The following ZUP1 variants were observed in gnomAD, a reference collection of about 807,000 sequenced individuals.
ZUP1 encodes the protein zinc finger-containing ubiquitin peptidase 1.
A neutral mutation model predicts 68.1 loss-of-function variants in ZUP1; 55 were observed. The observed-to-expected ratio is 0.81, with a 90% confidence interval of 0.65 to 1.01. The LOEUF is 1.01. Ranked by LOEUF, ZUP1 falls within the 50% of genes least tolerant of loss-of-function variation. The pLI, the probability that ZUP1 is intolerant of heterozygous loss-of-function variation, is 0.00. For synonymous variants in ZUP1, 223 were observed against 221.5 expected (o/e 1.01, Z -0.06); for missense variants, 684 against 674.9 (o/e 1.01, Z -0.15).
chr6:116,635,945 T>C, intron 9 of ZUP1, 66 bp from the exon 10 acceptor site: 1 of 1,091,836 alleles, frequency 9.2e-7, no homozygotes, highest in Non-Finnish European at 1.3e-6. Flanking sequence ...TGTGTTGTCA[T>C]TCTAATGTAA....
intron 8 of ZUP1, 42 bp from the exon 9 acceptor site, chr6:116,645,976 T>C: frequency 2.9e-6 from 4 of 1,375,508 alleles, no homozygotes; most frequent in South Asian, 2.5e-5. Context: ...CACATCTATT[T>C]ACAGTTATAC....
chr6:116,646,019 ATG>A (rs1776298323), intron 8 of ZUP1, 85 bp from the exon 9 acceptor site: 23 of 936,280 alleles, frequency 2.5e-5, no homozygotes, highest in Admixed American at 8.4e-5. Flanking sequence ...GTGTGATCAT[ATG>A]TGTGTTTAGA....
intron 1 of ZUP1, 119 bp from the exon 2 acceptor site, chr6:116,667,326 T>C (rs550260007): frequency 4.4e-4 from 223 of 503,652 alleles, no homozygotes; most frequent in Admixed American, 1.4e-3. Flanking sequence ...AAGTTTTCAA[T>C]GTACTTACTG....
chr6:116,666,829 T>G lies in ZUP1; in HGVS notation c.364A>C (p.Asn122His). Residue 122 changes from asparagine to histidine, a missense_variant, in exon 2 of 10, where the codon AAC becomes CAC. Transcript: ENST00000368576. ...AGGAATTTTCTAGATTCAGTTAAGT[T>G]CTCTGAATAGAAGCCTTCATGTTTT... ...TLKHEGFYSE[N>H]LTESRKFLKS... 1 of 1,612,374 alleles carries G rather than the reference T, an allele frequency of 6.2e-7. No homozygotes were observed. The highest frequency in any genetic ancestry group is 8.5e-7 in the Non-Finnish European group (1 of 1,179,596).
chr6:116,665,368 T>C (rs1776967277), intron 2 of ZUP1, among the ~76,000 whole-genome samples: 1 of 152,082 alleles, frequency 6.6e-6, no homozygotes, highest in Admixed American at 6.5e-5. Context: ...CTTCTAGAAG[T>C]TGGCAAAGAG....
At chr6:116,663,934 A>C (rs1051477183) in intron 2 of ZUP1, among the ~76,000 whole-genome samples, 2 of 152,102 alleles carry the variant, frequency 1.3e-5, no homozygotes, top group Non-Finnish European at 2.9e-5. Flanking sequence ...GTGACATAGT[A>C]AGACCTTGTC....
chr6:116,660,695 GAAATT>G, intron 3 of ZUP1, 36 bp downstream of exon 3: 1 of 1,165,338 alleles, frequency 8.6e-7, no homozygotes, highest in Non-Finnish European at 1.2e-6. Context: ...CTAGAAAGTA[GAAATT>G]AAATGATATT....
chr6:116,663,262 GT>G (rs1022449248), intron 2 of ZUP1, among the ~76,000 whole-genome samples: 47 of 152,128 alleles, frequency 3.1e-4, no homozygotes, highest in African/African-American at 1.1e-3. Flanking sequence ...CCCCCCTCAT[GT>G]TTTTCTTTAC....
At chr6:116,637,109 A>G (rs1054230109) in intron 9 of ZUP1, among the ~76,000 whole-genome samples, 2 of 152,170 alleles carry the variant, frequency 1.3e-5, no homozygotes, top group Non-Finnish European at 2.9e-5. Context: ...GAAATGTGAA[A>G]TTGTTCATAC....
chr6:116,643,430 T>A (rs1776187050), intron 9 of ZUP1, among the ~76,000 whole-genome samples: 1 of 152,152 alleles, frequency 6.6e-6, no homozygotes, highest in African/African-American at 2.4e-5. Flanking sequence ...CTACCTGACT[T>A]CAAACTATAC....
chr6:116,642,675 T>A (rs1404476619), intron 9 of ZUP1, among the ~76,000 whole-genome samples: 1 of 152,194 alleles, frequency 6.6e-6, no homozygotes, highest in Non-Finnish European at 1.5e-5. Context: ...TAGGTATTCA[T>A]GGGACGTATC....
chr6:116,663,302 C>G (rs142594080), intron 2 of ZUP1, among the ~76,000 whole-genome samples: 2 of 152,312 alleles, frequency 1.3e-5, no homozygotes, highest in East Asian at 3.9e-4. Flanking sequence ...CATATCTTCT[C>G]TATATGATAA....
chr6:116,639,112 C>A (rs1483305209), intron 9 of ZUP1, among the ~76,000 whole-genome samples: 2 of 152,356 alleles, frequency 1.3e-5, no homozygotes, highest in East Asian at 3.9e-4. Flanking sequence ...GATCAAACTG[C>A]AAGGCGGCAG....
rs1776292935 is a variant in ZUP1 at position 116,645,939 on chromosome 6, C to T, written c.1469-5G>A. ...CAATAACAGTTCGACTGTGACCTAT[C>T]AAAAGATTTTTAAGTTATACATACG... On this transcript the variant is annotated splice_region_variant and splice_polypyrimidine_tract_variant and intron_variant, in intron 8 of 9. Coordinates refer to ENST00000368576, the MANE Select transcript of ZUP1 (RefSeq NM_145062.3). 2 of 1,603,974 alleles carry T rather than the reference C, an allele frequency of 1.2e-6. No homozygotes were observed. Among genetic ancestry groups the T allele is most frequent in the East Asian group, 4.5e-5 (2 of 44,720 alleles).
rs1352865517 is a variant in ZUP1 at position 116,656,664 on chromosome 6, T to C, written c.961+20A>G. On this transcript the variant is annotated intron_variant, in intron 5 of 9. Transcript: ENST00000368576. Reference sequence around the variant, plus strand: ...GTATAAGCAATATTAAAACAATGACTCTGATGTTTAAATACTCACCGGAAG... The same window carrying C: ...GTATAAGCAATATTAAAACAATGACCCTGATGTTTAAATACTCACCGGAAG... The C allele has an allele frequency of 1.3e-6, 2 of 1,591,178 alleles. No homozygotes were observed. The highest frequency in any genetic ancestry group is 1.7e-6 in the Non-Finnish European group (2 of 1,169,646).
Position 116,656,778 on chromosome 6 carries a change from CCT to C in ZUP1, c.865_866del (p.Arg289GlyfsTer7). On this transcript the variant is annotated frameshift_variant, in exon 5 of 10. Transcript: ENST00000368576. LOFTEE classifies it high-confidence loss of function. Reference sequence around the variant, plus strand: ...GAAATTCAGATGGAGGCATTCTTCCCCTATTTACTTCTATCTCCATATTTCGT... The same window carrying C: ...GAAATTCAGATGGAGGCATTCTTCCCATTTACTTCTATCTCCATATTTCGT... ...QLRNMEIEVN[R>X]GRMPPSEFHR... is the part of the protein sequence containing the mutation. 4 of 1,611,256 alleles carry C rather than the reference CCT, an allele frequency of 2.5e-6. No homozygotes were observed. The highest frequency in any genetic ancestry group is 3.4e-6 in the Non-Finnish European group (4 of 1,178,136).
intron 5 of ZUP1, among the ~76,000 whole-genome samples, chr6:116,655,215 A>G (rs1421037412): frequency 6.6e-6 from 1 of 152,204 alleles, no homozygotes; most frequent in Non-Finnish European, 1.5e-5. Context: ...ATCAATATGA[A>G]AACAAGATAA....
intron 7 of ZUP1, among the ~76,000 whole-genome samples, chr6:116,648,461 A>G (rs1443351965): frequency 6.6e-6 from 1 of 152,224 alleles, no homozygotes; most frequent in Non-Finnish European, 1.5e-5. Flanking sequence ...TAAGTGCTCA[A>G]ATAAACTTCT....
chr6:116,637,028 TAA>T (rs138150894), intron 9 of ZUP1, among the ~76,000 whole-genome samples: 1 of 152,018 alleles, frequency 6.6e-6, no homozygotes. Flanking sequence ...AAACAGATGC[TAA>T]AAAAAGTTAT....
Sources: gnomAD v4.1 joint callset for allele counts (sites outside exome capture counted in the v4.1 genomes callset) on GRCh38, gnomAD v4.1.1 for gene constraint, MANE v1.5 for transcripts, NCBI Gene and HGNC (gene_info 2026-07-23, HGNC 2026-07-21) for gene names.